MYO5B: variants seen among roughly 807,000 people sequenced by gnomAD.
The protein encoded by MYO5B is myosin VB.
MYO5B carries 143 observed loss-of-function variants against 229.3 expected under a neutral mutation model. The ratio of observed to expected loss-of-function variants is 0.62; its 90% CI spans 0.54 to 0.72. The LOEUF (loss-of-function observed/expected upper bound fraction) is 0.72. MYO5B is among the 30% of genes least tolerant of loss of function. The pLI, the probability that MYO5B is intolerant of heterozygous loss-of-function variation, is 0.00. For synonymous variants in MYO5B, 918 were observed against 885.2 expected, an observed-to-expected ratio of 1.04 and a Z score of -0.66; for missense variants, 2,321 against 2,331.0, an observed-to-expected ratio of 1.00 and a Z score of 0.09.
At chr18:49,982,872 A>T (rs550542015) in intron 8 of MYO5B, among the ~76,000 whole-genome samples, 152 of 152,328 alleles carry the variant, frequency 1.0e-3, no homozygotes, top group African/African-American at 3.6e-3. Context: ...TACAAAAGCA[A>T]TTTGCTTTGA....
In MYO5B at chr18:49,825,426, A is replaced by AC. The variant is rs1568598119; in HGVS notation, c.*1044dup. On this transcript the variant is annotated 3_prime_UTR_variant, in exon 40 of 40. Coordinates refer to ENST00000285039, the MANE Select transcript of MYO5B (RefSeq NM_001080467.3). ...CATTTTATTCTCTTAAAAAAAAAAA[A>AC]CCCAAACTTTTGTATAATATCCCTG... The AC allele has an allele frequency of 1.3e-5, 2 of 151,332 alleles. No homozygotes were observed. Among genetic ancestry groups the AC allele is most frequent in the African/African-American group, 4.8e-5 (2 of 41,296 alleles). 9.4% of individuals were successfully genotyped at this position (151,332 alleles called of 1,614,324 possible).
chr18:49,959,678 C>A (rs192290743), intron 12 of MYO5B, among the ~76,000 whole-genome samples: 4 of 152,320 alleles, frequency 2.6e-5, no homozygotes, highest in Admixed American at 2.6e-4. Context: ...TGATACAGCG[C>A]CTGGGCTTCA....
chr18:49,857,876 C>T lies in MYO5B; in HGVS notation c.3945-986G>A, dbSNP rs533196418. 9.5e-4 allele frequency among the ~76,000 whole-genome samples: 145 copies of T among 152,280 alleles called. 1 individual carries two copies. Among genetic ancestry groups the T allele is most frequent in the Non-Finnish European group, 8.8e-4 (60 of 68,014 alleles). On this transcript the variant is annotated intron_variant, in intron 29 of 39. Coordinates refer to ENST00000285039, the MANE Select transcript of MYO5B (RefSeq NM_001080467.3). ...GAGGGCAGGTAGGGGCCTGCTGCCC[C>T]CAGCAGGACTCTGCCGCACCTCCCT... is the stretch of plus-strand genomic sequence containing the variant.
intron 1 of MYO5B, among the ~76,000 whole-genome samples, chr18:50,138,633 G>A (rs2032371840): frequency 6.6e-6 from 1 of 151,118 alleles, no homozygotes; most frequent in African/African-American, 2.4e-5. Context: ...ACCTTTTGTG[G>A]TGATGACTCT....
At chr18:49,894,508 A>G (rs2024754548) in intron 22 of MYO5B, among the ~76,000 whole-genome samples, 1 of 152,178 alleles carries the variant, frequency 6.6e-6, no homozygotes, top group South Asian at 2.1e-4. Flanking sequence ...TTAAGTGTTC[A>G]AAGGTGAGGC....
At chr18:49,885,697 A>G (rs949366086) in intron 22 of MYO5B, among the ~76,000 whole-genome samples, 13 of 152,130 alleles carry the variant, frequency 8.5e-5, no homozygotes, top group African/African-American at 3.1e-4. Context: ...CCTCGGCATC[A>G]GGTAGAAAGG....
chr18:49,863,467 G>A (rs937150886), intron 28 of MYO5B, 140 bp from the exon 29 acceptor site: 8 of 743,660 alleles, frequency 1.1e-5, no homozygotes, highest in East Asian at 8.1e-5. Context: ...TCAAACCCAC[G>A]CCAGGAACAT....
At chr18:50,079,922 A>C (rs2031178306) in intron 1 of MYO5B, among the ~76,000 whole-genome samples, 1 of 152,216 alleles carries the variant, frequency 6.6e-6, no homozygotes, top group Non-Finnish European at 1.5e-5. Context: ...CTGTTCAGTC[A>C]CAACTCAGAT....
At chr18:49,915,712 A>G (rs1490408292) in intron 17 of MYO5B, among the ~76,000 whole-genome samples, 1 of 152,262 alleles carries the variant, frequency 6.6e-6, no homozygotes, top group East Asian at 1.9e-4. Flanking sequence ...GATCATGTAC[A>G]ATAAATATTC....
chr18:49,982,444 C>T (rs181341127), intron 8 of MYO5B, among the ~76,000 whole-genome samples: 2 of 152,170 alleles, frequency 1.3e-5, no homozygotes, highest in South Asian at 2.1e-4. Context: ...GTGGTAGACA[C>T]AGAATGAATA....
At chr18:50,136,985 G>A (rs1328654970) in intron 1 of MYO5B, among the ~76,000 whole-genome samples, 3 of 152,184 alleles carry the variant, frequency 2.0e-5, no homozygotes, top group African/African-American at 4.8e-5. Context: ...TTATCTGCCC[G>A]AGTAGATTAA....
At chr18:49,925,692 G>GA (rs2025121507) in intron 17 of MYO5B, among the ~76,000 whole-genome samples, 1 of 152,190 alleles carries the variant, frequency 6.6e-6, no homozygotes, top group Non-Finnish European at 1.5e-5. Flanking sequence ...GTGCAGCCAG[G>GA]AGCAGGAGTG....
chr18:50,179,668 G>A (rs575864070), intron 1 of MYO5B, among the ~76,000 whole-genome samples: 1 of 152,330 alleles, frequency 6.6e-6, no homozygotes, highest in East Asian at 1.9e-4. Context: ...AGAAGGCAAT[G>A]CACCCCTGCT....
At chr18:50,092,879 AG>A (rs1213444745) in intron 1 of MYO5B, among the ~76,000 whole-genome samples, 2 of 152,228 alleles carry the variant, frequency 1.3e-5, no homozygotes, top group East Asian at 3.8e-4. Context: ...TAAAACCTTA[AG>A]CATGCTATAA....
At chr18:49,911,181 C>CCCAGGTGTA (rs1343460759) in intron 18 of MYO5B, among the ~76,000 whole-genome samples, 2 of 152,310 alleles carry the variant, frequency 1.3e-5, no homozygotes, top group Admixed American at 1.3e-4. Context: ...AGAGCCCTTA[C>CCCAGGTGTA]CCAGGTGTAC....
chr18:50,071,544 T>A (rs543744040), intron 1 of MYO5B, among the ~76,000 whole-genome samples: 2 of 152,270 alleles, frequency 1.3e-5, no homozygotes, highest in African/African-American at 4.8e-5. Context: ...AATAGTACTA[T>A]CTAAATAACT....
Position 49,878,912 on chromosome 18 carries a change from T to C in MYO5B, c.3276+33A>G, listed in dbSNP as rs114515602. ...AGAAGCTGGACAGGAGCCAGGGACC[T>C]GTGCCATGGCACAGCAGAAGCACCC... On this transcript the variant is annotated intron_variant, in intron 24 of 39. Coordinates refer to ENST00000285039, the MANE Select transcript of MYO5B (RefSeq NM_001080467.3). 1,285 of 1,613,514 alleles carry C rather than the reference T, an allele frequency of 8.0e-4. 11 individuals carry two copies. The African/African-American group carries it at 0.013, about 17-fold the overall frequency.
chr18:49,916,838 A>C (rs1203014142), intron 17 of MYO5B, among the ~76,000 whole-genome samples: 1 of 152,216 alleles, frequency 6.6e-6, no homozygotes, highest in Admixed American at 6.5e-5. Context: ...TGAGAAAACA[A>C]ACCCTCAGAG....
rs559396038 is a variant in MYO5B, at chr18:49,909,072, TC to T, written c.2203-2443del. Among the ~76,000 whole-genome samples, 6 of 152,320 alleles carry T rather than the reference TC, an allele frequency of 3.9e-5. No homozygotes were observed. The East Asian group carries it at 1.2e-3, about 29-fold the overall frequency. ...AGGCCACCTTTGTCCCCACTTCTCA[TC>T]GTTCTGTTCTAAAACGTACTTAGAA... On this transcript the variant is annotated intron_variant, in intron 18 of 39. Coordinates refer to ENST00000285039, the MANE Select transcript of MYO5B (RefSeq NM_001080467.3).
Sources: allele counts gnomAD v4.1 joint callset (sites outside exome capture counted in the v4.1 genomes callset), GRCh38; gene constraint gnomAD v4.1.1; transcripts MANE v1.5; gene names NCBI Gene and HGNC (gene_info 2026-07-23, HGNC 2026-07-21).